ARHGAP24: variants seen among roughly 807,000 people sequenced by gnomAD.
ARHGAP24 encodes rho GTPase-activating protein 24.
Under a neutral mutation model 76.4 loss-of-function variants are expected in ARHGAP24, and 50 were observed. The ratio of observed to expected loss-of-function variants is 0.65; its 90% CI spans 0.52 to 0.83. The LOEUF (loss-of-function observed/expected upper bound fraction) is 0.83, where lower values mean the gene tolerates loss of function less well. Among genes scored for constraint, ARHGAP24 ranks in the 40% least tolerant of loss-of-function variants. The pLI, the probability that ARHGAP24 is intolerant of heterozygous loss-of-function variation, is 0.00. For synonymous variants in ARHGAP24, 345 were observed against 323.3 expected, an observed-to-expected ratio of 1.07 and a Z score of -0.72; for missense variants, 930 against 914.2, an observed-to-expected ratio of 1.02 and a Z score of -0.22.
At chr4:85,781,662 T>C (rs1219498886) in intron 3 of ARHGAP24, among the ~76,000 whole-genome samples, 2 of 152,122 alleles carry the variant, frequency 1.3e-5, no homozygotes, top group Admixed American at 1.3e-4. Context: ...CTTTTCTGTT[T>C]GAAACAATGA....
chr4:85,636,044 A>G (rs1721297311), intron 2 of ARHGAP24, among the ~76,000 whole-genome samples: 3 of 150,278 alleles, frequency 2.0e-5, no homozygotes, highest in Non-Finnish European at 4.5e-5. Flanking sequence ...ACTAACTCAC[A>G]TTATCAAAAT....
intron 3 of ARHGAP24, chr4:85,778,770 A>G (rs1321007978): frequency 3.0e-6 from 3 of 985,320 alleles, no homozygotes; most frequent in Non-Finnish European, 3.6e-6. Context: ...GGAAGAGTTT[A>G]TATCCCCTTC....
In ARHGAP24 at chr4:85,737,118, T is replaced by TTTTG. The variant is rs72444083; in HGVS notation, c.268+15170_268+15173dup. On this transcript the variant is annotated intron_variant, in intron 3 of 9. Transcript: ENST00000395184. ...CACACAGCTGGTGAAAAAATAATGGTTTTGTTTGTTTGTTTGTTTGTTTGT... is the reference window on the plus strand; with the variant it reads ...CACACAGCTGGTGAAAAAATAATGGTTTTGTTTGTTTGTTTGTTTGTTTGTTTGT... Among the ~76,000 whole-genome samples the TTTTG allele has an allele frequency of 7.7e-4, 117 of 151,726 alleles. No individual in the cohort carries two copies. The East Asian group carries it at 0.018, about 23-fold the overall frequency.
intron 4 of ARHGAP24, among the ~76,000 whole-genome samples, chr4:85,928,320 C>T (rs889794820): frequency 3.3e-5 from 5 of 151,896 alleles, no homozygotes; most frequent in Non-Finnish European, 5.9e-5. Context: ...TCCTCCTTCC[C>T]TCCTTTCCTC....
intron 3 of ARHGAP24, among the ~76,000 whole-genome samples, chr4:85,911,454 G>C (rs1735081187): frequency 6.6e-6 from 1 of 152,182 alleles, no homozygotes; most frequent in Non-Finnish European, 1.5e-5. Context: ...ACTCTAGCTT[G>C]CCTTTGTTTC....
chr4:85,667,517 C>T (rs1275358296), intron 2 of ARHGAP24, among the ~76,000 whole-genome samples: 1 of 152,156 alleles, frequency 6.6e-6, no homozygotes, highest in Non-Finnish European at 1.5e-5. Flanking sequence ...GTCCTGCACC[C>T]ACTTTCTGGC....
chr4:85,968,718 G>T (rs1305476186), intron 5 of ARHGAP24, among the ~76,000 whole-genome samples: 1 of 152,024 alleles, frequency 6.6e-6, no homozygotes, highest in East Asian at 1.9e-4. Context: ...ATCCAGAAAT[G>T]ATTATTTTCT....
intron 3 of ARHGAP24, among the ~76,000 whole-genome samples, chr4:85,733,189 G>A (rs532326472): frequency 6.7e-6 from 1 of 148,658 alleles, no homozygotes; most frequent in South Asian, 2.2e-4. Flanking sequence ...TCAGCTTCCC[G>A]AGTAGCTGGG....
intron 2 of ARHGAP24, among the ~76,000 whole-genome samples, chr4:85,611,740 T>C (rs907846043): frequency 2.0e-5 from 3 of 152,198 alleles, no homozygotes; most frequent in African/African-American, 7.2e-5. Flanking sequence ...GATGATCCTT[T>C]GAGTCTATGG....
At chr4:85,848,304 G>A (rs1731003363) in intron 3 of ARHGAP24, among the ~76,000 whole-genome samples, 1 of 152,068 alleles carries the variant, frequency 6.6e-6, no homozygotes, top group Non-Finnish European at 1.5e-5. Flanking sequence ...ATTTACATTA[G>A]GTATTTCTCC....
chr4:85,765,441 T>G (rs936085824), intron 3 of ARHGAP24, among the ~76,000 whole-genome samples: 1 of 152,120 alleles, frequency 6.6e-6, no homozygotes, highest in African/African-American at 2.4e-5. Flanking sequence ...AGTTGAAAGA[T>G]TCACTAAGGT....
intron 2 of ARHGAP24, among the ~76,000 whole-genome samples, chr4:85,612,472 G>A (rs946386251): frequency 1.5e-5 from 2 of 135,070 alleles, no homozygotes; most frequent in Non-Finnish European, 3.3e-5. Context: ...TATAGCAAAA[G>A]CATCCAAGTA....
At chr4:85,917,142 T>C (rs1215295274) in intron 3 of ARHGAP24, among the ~76,000 whole-genome samples, 1 of 152,048 alleles carries the variant, frequency 6.6e-6, no homozygotes, top group Non-Finnish European at 1.5e-5. Context: ...AATTCCCACC[T>C]ATGAGTGAGA....
At chr4:85,573,704 C>G (rs2109965881) in intron 2 of ARHGAP24, among the ~76,000 whole-genome samples, 1 of 152,070 alleles carries the variant, frequency 6.6e-6, no homozygotes, top group Non-Finnish European at 1.5e-5. Context: ...TGTCCTAAAA[C>G]CTGTCATTTT....
chr4:85,983,016 G>A (rs1048031329), intron 8 of ARHGAP24, among the ~76,000 whole-genome samples: 2 of 152,090 alleles, frequency 1.3e-5, no homozygotes, highest in Non-Finnish European at 2.9e-5. Flanking sequence ...TGAGAACATG[G>A]GGTGGTTGGT....
intron 2 of ARHGAP24, among the ~76,000 whole-genome samples, chr4:85,626,770 G>C (rs4693725): frequency 5.3e-5 from 8 of 151,864 alleles, no homozygotes; most frequent in East Asian, 1.9e-4. Flanking sequence ...AGGCTTTGTT[G>C]GTTTCTTTTT....
chr4:85,616,649 A>T (rs1720548292), intron 2 of ARHGAP24, among the ~76,000 whole-genome samples: 1 of 152,100 alleles, frequency 6.6e-6, no homozygotes, highest in African/African-American at 2.4e-5. Context: ...TTTTATTAAG[A>T]TGGAGTCTCA....
In ARHGAP24 at chr4:85,600,475, G is replaced by A. The variant is rs193191219; in HGVS notation, c.180+29754G>A. On this transcript the variant is annotated intron_variant, in intron 2 of 9. Coordinates refer to ENST00000395184, the MANE Select transcript of ARHGAP24 (RefSeq NM_001025616.3). Reference sequence around the variant, plus strand: ...TTATGAAAGCCATTGTGTTCTCCACGTGAGAAGAGGGAGATGGGGCATTCA... The same window carrying A: ...TTATGAAAGCCATTGTGTTCTCCACATGAGAAGAGGGAGATGGGGCATTCA... Among the ~76,000 whole-genome samples the A allele has an allele frequency of 3.2e-3, 486 of 152,250 alleles. 3 individuals carry two copies. The highest frequency in any genetic ancestry group is 6.8e-3 in the Middle Eastern group (2 of 294).
intron 3 of ARHGAP24, among the ~76,000 whole-genome samples, chr4:85,813,767 G>A (rs1729110911): frequency 6.8e-6 from 1 of 147,190 alleles, no homozygotes; most frequent in Non-Finnish European, 1.5e-5. Context: ...CCACACTCAA[G>A]CTAATTAGCA....
Sources: gnomAD v4.1 joint callset for allele counts (sites outside exome capture counted in the v4.1 genomes callset) on GRCh38, gnomAD v4.1.1 for gene constraint, MANE v1.5 for transcripts, NCBI Gene and HGNC (gene_info 2026-07-23, HGNC 2026-07-21) for gene names.